COL24A1: variants seen among roughly 807,000 people sequenced by gnomAD.
The protein encoded by COL24A1 is collagen alpha-1(XXIV) chain.
In COL24A1, 224 loss-of-function variants were observed where a neutral mutation model predicts 253.9. That is an observed-to-expected ratio of 0.88 (90% CI 0.79 to 0.99). The LOEUF (loss-of-function observed/expected upper bound fraction) is 0.99. COL24A1 is among the 50% of genes least tolerant of loss of function. COL24A1 has a pLI of 0.00. For synonymous variants in COL24A1, 685 were observed against 673.7 expected (o/e 1.02, Z -0.26); for missense variants, 2,131 against 2,068.5 (o/e 1.03, Z -0.59).
intron 7 of COL24A1, among the ~76,000 whole-genome samples, chr1:86,075,294 G>A (rs1034227912): frequency 1.3e-5 from 2 of 152,094 alleles, no homozygotes; most frequent in Non-Finnish European, 2.9e-5. Context: ...AAATCTAGAA[G>A]AAATTGATAA....
intron 10 of COL24A1, among the ~76,000 whole-genome samples, chr1:86,055,565 C>T (rs531866446): frequency 6.6e-6 from 1 of 152,306 alleles, no homozygotes; most frequent in Non-Finnish European, 1.5e-5. Flanking sequence ...GTAAGTTGTA[C>T]AGTGCCAAAT....
chr1:85,748,566 C>A (rs1469899551), intron 55 of COL24A1, among the ~76,000 whole-genome samples: 1 of 151,862 alleles, frequency 6.6e-6, no homozygotes, highest in Non-Finnish European at 1.5e-5. Flanking sequence ...CGGTCTACAG[C>A]TCCCAGCGTG....
At chr1:85,769,001 A>AAAG (rs1558050147) in intron 53 of COL24A1, among the ~76,000 whole-genome samples, 1 of 152,090 alleles carries the variant, frequency 6.6e-6, no homozygotes, top group African/African-American at 2.4e-5. Context: ...ACAGAATTCA[A>AAAG]TAAATTCAAA....
intron 28 of COL24A1, among the ~76,000 whole-genome samples, chr1:85,900,566 GAATT>G (rs1393819923): frequency 6.6e-6 from 1 of 152,068 alleles, no homozygotes; most frequent in Non-Finnish European, 1.5e-5. Flanking sequence ...GTGAGCCCAG[GAATT>G]TGAGGCAGCA....
intron 52 of COL24A1, among the ~76,000 whole-genome samples, chr1:85,780,049 C>T (rs1668992059): frequency 6.6e-6 from 1 of 152,086 alleles, no homozygotes; most frequent in Non-Finnish European, 1.5e-5. Context: ...ATTCTGTAAT[C>T]AGAACAGTAT....
intron 43 of COL24A1, among the ~76,000 whole-genome samples, chr1:85,834,417 A>G (rs1383555279): frequency 1.3e-5 from 2 of 152,210 alleles, no homozygotes; most frequent in East Asian, 1.9e-4. Flanking sequence ...AATTGAGGAC[A>G]TAACAAGAGG....
At chr1:85,825,516 T>C (rs1674193341) in intron 43 of COL24A1, among the ~76,000 whole-genome samples, 2 of 152,154 alleles carry the variant, frequency 1.3e-5, no homozygotes, top group Admixed American at 6.5e-5. Context: ...CCCACAATGG[T>C]TGAACTAGTT....
At chr1:86,004,254 T>C (rs1174946989) in intron 19 of COL24A1, among the ~76,000 whole-genome samples, 4 of 152,218 alleles carry the variant, frequency 2.6e-5, no homozygotes, top group Non-Finnish European at 5.9e-5. Flanking sequence ...AGATATTTAT[T>C]TGGGTAAGAG....
intron 24 of COL24A1, among the ~76,000 whole-genome samples, chr1:85,915,689 C>T (rs1052568591): frequency 1.3e-5 from 2 of 152,142 alleles, no homozygotes. Context: ...CGCTGTGTCG[C>T]CTGGGCTGGA....
chr1:86,089,964 G>A (rs1279907006), intron 6 of COL24A1, among the ~76,000 whole-genome samples: 4 of 152,144 alleles, frequency 2.6e-5, no homozygotes, highest in Admixed American at 1.3e-4. Context: ...AGAATCTCAC[G>A]GGCTGTGGTG....
At chr1:85,769,669 T>G (rs887207458) in intron 53 of COL24A1, among the ~76,000 whole-genome samples, 18 of 152,132 alleles carry the variant, frequency 1.2e-4, no homozygotes, top group Admixed American at 2.0e-4. Flanking sequence ...GTAATCAGGC[T>G]GCAGAATCTG....
chr1:85,760,396 T>C (rs1666734767), intron 55 of COL24A1, among the ~76,000 whole-genome samples: 1 of 152,084 alleles, frequency 6.6e-6, no homozygotes, highest in South Asian at 2.1e-4. Context: ...TCCATGTTAG[T>C]CAGAAGGCCA....
intron 37 of COL24A1, among the ~76,000 whole-genome samples, chr1:85,853,416 G>A (rs934263747): frequency 2.0e-5 from 3 of 152,068 alleles, no homozygotes; most frequent in Admixed American, 2.0e-4. Context: ...TATTGTGAAT[G>A]GTGCTGCGCT....
At chr1:85,820,459 C>A (rs1268855331) in intron 45 of COL24A1, among the ~76,000 whole-genome samples, 1 of 152,142 alleles carries the variant, frequency 6.6e-6, no homozygotes, top group Non-Finnish European at 1.5e-5. Context: ...GCTGCACATG[C>A]CAGCATAGGT....
chr1:85,799,647 G>C (rs1055875552), intron 47 of COL24A1, among the ~76,000 whole-genome samples: 3 of 152,076 alleles, frequency 2.0e-5, no homozygotes, highest in African/African-American at 7.2e-5. Context: ...ATTCCACAGA[G>C]AGCAGAGACA....
chr1:86,012,975 C>T (rs375045297), intron 19 of COL24A1, among the ~76,000 whole-genome samples: 7 of 152,226 alleles, frequency 4.6e-5, no homozygotes, highest in African/African-American at 7.2e-5. Context: ...GTGGTGGCAG[C>T]TAATACATAC....
intron 19 of COL24A1, among the ~76,000 whole-genome samples, chr1:85,988,624 T>C (rs1041019305): frequency 6.6e-6 from 1 of 152,066 alleles, no homozygotes; most frequent in Non-Finnish European, 1.5e-5. Flanking sequence ...TCAGCATCTT[T>C]AAAAGTAAAG....
chr1:85,784,258 C>G lies in COL24A1; in HGVS notation c.4167+1G>C. 2 of 1,613,836 alleles carry G rather than the reference C, an allele frequency of 1.2e-6. No individual in the cohort carries two copies. The highest frequency in any genetic ancestry group is 1.7e-6 in the Non-Finnish European group (2 of 1,179,762). On this transcript the variant is annotated splice_donor_variant, in intron 49 of 59. Coordinates refer to ENST00000370571, the MANE Select transcript of COL24A1 (RefSeq NM_152890.7). LOFTEE classifies it high-confidence loss of function. Reference sequence around the variant, plus strand: ...TGGTGAATTTCTGAGGTGGTACATACAGGCTGCCCTTTCAGGCCAGGGTCT... The same window carrying G: ...TGGTGAATTTCTGAGGTGGTACATAGAGGCTGCCCTTTCAGGCCAGGGTCT...
intron 24 of COL24A1, among the ~76,000 whole-genome samples, chr1:85,914,304 ATGTGTGTGTGTGTGTG>A (rs71078628): frequency 7.2e-6 from 1 of 139,188 alleles, no homozygotes; most frequent in Non-Finnish European, 1.6e-5. Flanking sequence ...TTTGTCATGA[ATGTGTGTGTGTGTGTG>A]TGTGTGTGTG....
Sources: gnomAD v4.1 joint callset for allele counts (sites outside exome capture counted in the v4.1 genomes callset) on GRCh38, gnomAD v4.1.1 for gene constraint, MANE v1.5 for transcripts, NCBI Gene and HGNC (gene_info 2026-07-23, HGNC 2026-07-21) for gene names.